The following FHDC1 variants were observed in gnomAD, a reference collection of about 807,000 sequenced individuals.
FHDC1 encodes the protein FH2 domain-containing protein 1.
Under a neutral mutation model 52.6 loss-of-function variants are expected in FHDC1, and 25 were observed. The ratio of observed to expected loss-of-function variants is 0.48; its 90% CI spans 0.35 to 0.66. The LOEUF is 0.66. FHDC1 is among the 30% of genes least tolerant of loss of function. The pLI is 0.01. For synonymous variants in FHDC1, 616 were observed against 581.5 expected, an observed-to-expected ratio of 1.06 and a Z score of -0.85; for missense variants, 1,459 against 1,452.8, an observed-to-expected ratio of 1.00 and a Z score of -0.07.
In FHDC1 at chr4:152,953,552, A is replaced by AT. The variant is rs1273300691; in HGVS notation, c.555dup (p.Lys186Ter). The AT allele has an allele frequency of 2.5e-6, 4 of 1,611,446 alleles. No homozygotes were observed. In the African/African-American group the frequency reaches 5.3e-5, roughly 22 times the overall value. On this transcript the variant is annotated frameshift_variant, in exon 3 of 12. Coordinates refer to ENST00000511601, the MANE Select transcript of FHDC1 (RefSeq NM_001371116.1). LOFTEE classifies it high-confidence loss of function. ...TGAACATTGGGATATTTCTTAAGCAATTTAAGAAGTAAGATTTTGCACACA... is the reference window on the plus strand; with the variant it reads ...TGAACATTGGGATATTTCTTAAGCAATTTTAAGAAGTAAGATTTTGCACACA...
At chr4:152,930,998 C>CACACACACACACACACTCTT in the FHDC1 span, among the ~76,000 whole-genome samples, 4 of 91,008 alleles carry the variant, frequency 4.4e-5, no homozygotes, top group South Asian at 1.3e-3. Flanking sequence ...CACACACACA[C>CACACACACACACACACTCTT]TCTCTCTCTC....
chr4:152,962,287 C>G (rs1740301999), intron 6 of FHDC1, among the ~76,000 whole-genome samples: 1 of 152,152 alleles, frequency 6.6e-6, no homozygotes, highest in Non-Finnish European at 1.5e-5. Context: ...CCCTGGATGC[C>G]TGGGCCCTCG....
chr4:152,931,410 A>G (rs1031642143), upstream of FHDC1, among the ~76,000 whole-genome samples: 1 of 150,218 alleles, frequency 6.7e-6, no homozygotes, highest in African/African-American at 2.5e-5. Flanking sequence ...AGTGATATCT[A>G]CAGTTTTTTT....
the FHDC1 span, among the ~76,000 whole-genome samples, chr4:152,921,386 TTCATCAC>T: frequency 2.6e-5 from 4 of 152,262 alleles, no homozygotes; most frequent in Admixed American, 2.0e-4. Flanking sequence ...CAAGGATTTA[TTCATCAC>T]ATTTATCTAA....
chr4:152,963,769 GTT>G (rs58783965), intron 8 of FHDC1, among the ~76,000 whole-genome samples: 773 of 51,790 alleles, frequency 0.015, 9 homozygotes, highest in African/African-American at 0.047. Flanking sequence ...CCATTGCTTT[GTT>G]TTTTTTTTTT....
intron 2 of FHDC1, among the ~76,000 whole-genome samples, chr4:152,952,107 A>G (rs976144369): frequency 2.0e-5 from 3 of 152,206 alleles, no homozygotes; most frequent in African/African-American, 7.2e-5. Context: ...TCGTTTTAAA[A>G]TTGTGAGTAA....
chr4:152,955,025 C>A (rs10471074), intron 4 of FHDC1, among the ~76,000 whole-genome samples: 67,096 of 151,896 alleles, frequency 0.44, 15,324 homozygotes, highest in South Asian at 0.67. Context: ...ATCCAAAGAA[C>A]AGGATTCCTT....
chr4:152,927,647 G>A, the FHDC1 span: 1 of 1,600,400 alleles, frequency 6.2e-7, no homozygotes, highest in Non-Finnish European at 8.6e-7. Flanking sequence ...GAAGCAGCAG[G>A]AGTATGAGGA....
intron 9 of FHDC1, among the ~76,000 whole-genome samples, chr4:152,965,246 T>C (rs1026475372): frequency 1.3e-5 from 2 of 152,196 alleles, no homozygotes; most frequent in Non-Finnish European, 2.9e-5. Flanking sequence ...TAATTTCAAA[T>C]CCCTCCACGC....
In FHDC1 at chr4:152,975,361, G is replaced by A. The variant is rs754472802; in HGVS notation, c.2070G>A (p.Met690Ile). 3.1e-6 allele frequency: 5 copies of A among 1,613,724 alleles called. No homozygotes were observed. Among genetic ancestry groups the A allele is most frequent in the Non-Finnish European group, 4.2e-6 (5 of 1,180,034 alleles). The change falls in exon 12 of 12, where the codon ATG becomes ATA. Residue 690 changes from methionine to isoleucine, a missense_variant. Physicochemically the swap from Met to Ile is conservative, Grantham distance 10 (BLOSUM62 1). Coordinates refer to ENST00000511601, the MANE Select transcript of FHDC1 (RefSeq NM_001371116.1). ...TCAACCTCCAGGGTTCCCAGGGCAT[G>A]GAGGAGACCTCCCAGCTGACTCTGA... ...AQFNLQGSQG[M>I]EETSQLTLSD...
At chr4:152,941,623 T>A (rs186805813) in intron 1 of FHDC1, among the ~76,000 whole-genome samples, 1 of 152,354 alleles carries the variant, frequency 6.6e-6, no homozygotes. Context: ...AAGCAGTCTA[T>A]TCCTAGAATC....
intron 1 of FHDC1, among the ~76,000 whole-genome samples, chr4:152,940,884 T>C (rs909154368): frequency 6.6e-6 from 1 of 152,228 alleles, no homozygotes; most frequent in Non-Finnish European, 1.5e-5. Context: ...GTCATTTGCT[T>C]TAAGGGTGCC....
chr4:152,933,729 C>CAAAAAAAAAAAA (rs70949623), upstream of FHDC1, among the ~76,000 whole-genome samples: 1 of 60,804 alleles, frequency 1.6e-5, no homozygotes. Context: ...GACCCCGTCT[C>CAAAAAAAAAAAA]AAAAAAAAAA....
intron 4 of FHDC1, among the ~76,000 whole-genome samples, 197 bp downstream of exon 4, chr4:152,954,516 G>C (rs888135500): frequency 3.9e-5 from 6 of 152,000 alleles, no homozygotes; most frequent in African/African-American, 1.2e-4. Context: ...ATGGAACTCT[G>C]TCTCTGCCAA....
At chr4:152,919,609 A>C in the FHDC1 span, among the ~76,000 whole-genome samples, 9 of 152,214 alleles carry the variant, frequency 5.9e-5, no homozygotes. Context: ...TTAACATAGA[A>C]TGCTTGACTC....
At chr4:152,955,537 T>G (rs2149947527) in intron 4 of FHDC1, among the ~76,000 whole-genome samples, 1 of 152,332 alleles carries the variant, frequency 6.6e-6, no homozygotes, top group East Asian at 1.9e-4. Context: ...TCGCCCAGGC[T>G]GGAGTGCAGT....
intron 6 of FHDC1, among the ~76,000 whole-genome samples, chr4:152,961,391 A>G (rs1042354521): frequency 2.6e-5 from 4 of 152,082 alleles, no homozygotes; most frequent in African/African-American, 9.7e-5. Context: ...GAGCTATTTA[A>G]ATTTGAGAGG....
intron 7 of FHDC1, 48 bp from the exon 8 acceptor site, chr4:152,962,975 G>GTT: frequency 6.9e-7 from 1 of 1,446,050 alleles, no homozygotes; most frequent in South Asian, 1.2e-5. Context: ...GTGTGTGTGT[G>GTT]TGTGTGTATG....
chr4:152,932,221 TAA>T (rs11309363), upstream of FHDC1, among the ~76,000 whole-genome samples: 2 of 151,014 alleles, frequency 1.3e-5, no homozygotes, highest in East Asian at 3.9e-4. Context: ...CTGTCTCTAT[TAA>T]AAAAAAATTA....
Sources: allele counts gnomAD v4.1 joint callset (sites outside exome capture counted in the v4.1 genomes callset), GRCh38; gene constraint gnomAD v4.1.1; transcripts MANE v1.5; gene names NCBI Gene and HGNC (gene_info 2026-07-23, HGNC 2026-07-21).